Variants in SCRIB observed in about 807,000 individuals in gnomAD.
The protein encoded by SCRIB is scribble planar cell polarity protein.
A neutral mutation model predicts 170.0 loss-of-function variants in SCRIB; 72 were observed. That is an observed-to-expected ratio of 0.42 (90% CI 0.35 to 0.52). The LOEUF (loss-of-function observed/expected upper bound fraction) is 0.52. SCRIB is among the 20% of genes least tolerant of loss of function. SCRIB has a pLI of 0.02. For missense variants in SCRIB, 2,475 were observed against 2,338.5 expected (o/e 1.06, Z -1.20); for synonymous variants, 1,298 against 1,044.3 (o/e 1.24, Z -4.68).
In SCRIB at chr8:143,805,181, G is replaced by T. The variant is rs782458663; in HGVS notation, c.2601C>A (p.Arg867=). 2 of 1,573,200 alleles carry T rather than the reference G, an allele frequency of 1.3e-6. No individual in the cohort carries two copies. Among genetic ancestry groups the T allele is most frequent in the Non-Finnish European group, 1.7e-6 (2 of 1,159,752 alleles). ...TGCTGAAGCCCAGCCCCCTCTCGCT[G>T]CGTGCCAGGCAGGCCACGTGGCGCT... ...LRQRHVACLA[R]SERGLGFSIA... The change falls in exon 19 of 37, where the codon CGC becomes CGA. Residue 867 remains arginine, a synonymous_variant. Transcript: ENST00000356994.
At position 143,812,895 on chromosome 8, in the gene SCRIB, C is replaced by G; in HGVS notation, c.709G>C (p.Ala237Pro). ...VSENRLEELPAELGGLVLLTD... is the reference protein window; with the variant it reads ...VSENRLEELPPELGGLVLLTD... The stretch of plus-strand genomic sequence containing the variant: ...AGCAGCACCAGCCCGCCGAGCTCAG[C>G]AGGCAGCTCCTCCAGCCGGTTTTCC... Residue 237 changes from alanine (A) to proline (P), a missense_variant, in exon 8 of 37, where the codon GCT becomes CCT. Around this residue, in one of 3 missense-constraint regions of SCRIB, gnomAD observed 487 missense variants for 558.1 expected, o/e 0.87. Transcript: ENST00000356994. 5 of 1,611,304 alleles carry G rather than the reference C, an allele frequency of 3.1e-6. No individual in the cohort carries two copies. The highest frequency in any genetic ancestry group is 4.2e-6 in the Non-Finnish European group (5 of 1,179,900).
chr8:143,809,867 C>T, intron 13 of SCRIB, 149 bp from the exon 14 acceptor site: 1 of 877,260 alleles, frequency 1.1e-6, no homozygotes. Context: ...CAGCTGCTCC[C>T]TGTCCCAGCC....
chr8:143,810,646 G>T lies in SCRIB; in HGVS notation c.1404+40C>A, dbSNP rs765196450. ...GATGAGCAGCAGCCACAGGGCAGGG[G>T]TCAGGCAGAGGTTCGCCCCCCAGAT... On this transcript the variant is annotated intron_variant, in intron 12 of 36. Transcript: ENST00000356994. 1.9e-6 allele frequency: 3 copies of T among 1,604,842 alleles called. No individual in the cohort carries two copies. In the African/African-American group the frequency reaches 4.0e-5, roughly 21 times the overall value.
rs564848468 is a variant in SCRIB, at chr8:143,813,667, G to A, written c.416C>T (p.Ser139Phe). Residue 139 changes from serine (S) to phenylalanine (F), a missense_variant, in exon 4 of 37, where the codon TCT becomes TTT. Ser to Phe is a radical substitution (Grantham distance 155, BLOSUM62 -2). Transcript: ENST00000356994. ...SLAHLALNDVSLQALPGDVGN... is the reference protein window; with the variant it reads ...SLAHLALNDVFLQALPGDVGN... The stretch of plus-strand genomic sequence containing the variant: ...CACGTCCCCGGGCAGTGCCTGCAGA[G>A]ACACATCATTCAGGGCCAGGTGAGC... 8.7e-6 allele frequency: 14 copies of A among 1,613,588 alleles called. No individual in the cohort carries two copies. The highest frequency in any genetic ancestry group is 4.0e-5 in the African/African-American group (3 of 75,062).
chr8:143,795,396 C>T (rs1554633895), intron 25 of SCRIB, 24 bp downstream of exon 25: 4 of 1,612,484 alleles, frequency 2.5e-6, no homozygotes, highest in Non-Finnish European at 3.4e-6. Flanking sequence ...GGCCCTGGGG[C>T]TGCCGGCTGC....
intron 11 of SCRIB, 39 bp from the exon 12 acceptor site, chr8:143,810,855 A>C (rs202129995): frequency 1.6e-5 from 26 of 1,606,912 alleles, no homozygotes; most frequent in Admixed American, 1.5e-4. Flanking sequence ...CTAGTCCCCA[A>C]ACCCTGCCTG....
In SCRIB at chr8:143,813,093, C is replaced by G. The variant is rs928085521; in HGVS notation, c.579G>C (p.Leu193=). Residue 193 remains leucine, a synonymous_variant, in exon 7 of 37, where the codon CTG becomes CTC. Transcript: ENST00000356994. ...GCTCCCGAAGATTGGGCAGAGCCCC[C>G]AGAGTGTCTGGCTGCAAGAAGGAAC... ...GNDLEVLPDT[L]GALPNLRELW... is the part of the protein sequence containing the mutation. 3 of 1,578,886 alleles carry G rather than the reference C, an allele frequency of 1.9e-6. No individual in the cohort carries two copies. The highest frequency in any genetic ancestry group is 1.3e-5 in the African/African-American group (1 of 74,426).
In SCRIB at chr8:143,814,973, G is replaced by A. The variant is rs986983520; in HGVS notation, c.159+241C>T. On this transcript the variant is annotated intron_variant, in intron 1 of 36. Transcript: ENST00000356994. ...GAATCCCCACGGGTTTCACTCTGAG[G>A]CTCCGCCTCCAGGCTCGGTGACAAT... 17 of 503,284 alleles carry A rather than the reference G, an allele frequency of 3.4e-5. No homozygotes were observed. The Admixed American group carries it at 4.3e-4, about 13-fold the overall frequency. 31.2% of individuals were successfully genotyped at this position (503,284 alleles called of 1,614,324 possible).
Position 143,792,821 on chromosome 8 carries a change from C to A in SCRIB, c.4064G>T (p.Arg1355Leu), listed in dbSNP as rs1488591859. 2.6e-6 allele frequency: 4 copies of A among 1,549,802 alleles called. No individual in the cohort carries two copies. The highest frequency in any genetic ancestry group is 3.5e-6 in the Non-Finnish European group (4 of 1,149,784). The part of the protein sequence containing the change: ...PAASPEQLSF[R>L]ERQKYFELEV... ...CAGCTCAAAGTACTTCTGCCGCTCC[C>A]GGAAGGACAGCTGCTCCGGGGAGGC... Residue 1355 changes from arginine (R) to leucine (L), a missense_variant, in exon 30 of 37, where the codon CGG (arginine) becomes CTG (leucine). This residue lies in a region of SCRIB where 1,966 missense variants were observed against 1,742.9 expected (regional missense o/e 1.13). Transcript: ENST00000356994.
At chr8:143,793,541 T>C (rs782072832) in intron 28 of SCRIB, 3 of 310,012 alleles carry the variant, frequency 9.7e-6, no homozygotes, top group African/African-American at 2.1e-5. Context: ...CACGTGGCAG[T>C]GTGTTGGGAG....
chr8:143,803,636 G>T lies in SCRIB; in HGVS notation c.3414+11C>A. 2.0e-6 allele frequency: 3 copies of T among 1,533,258 alleles called. No homozygotes were observed. The highest frequency in any genetic ancestry group is 2.6e-6 in the Non-Finnish European group (3 of 1,139,650). 95.0% of individuals were successfully genotyped at this position (1,533,258 alleles called of 1,614,324 possible). A position where few individuals can be genotyped will look rare whatever the true frequency, so the allele number is the denominator to read the frequency against. On this transcript the variant is annotated intron_variant, in intron 23 of 36. Transcript: ENST00000356994. ...TGGGGCCCAGGGCGGGCTGGGGTGG[G>T]GGGGGCTCACCTTGGAGATGAAGAT...
rs545761118 is a variant in SCRIB at position 143,804,990 on chromosome 8, C to T, written c.2695G>A (p.Glu899Lys). The stretch of plus-strand genomic sequence containing the variant: ...CCCGCGCGGTGAGCAGCACCGCCCT[C>T]GGCAATGCGGGAGACGAAGATGCCC... ...DAGIFVSRIA[E>K]GGAAHRAGTL... Residue 899 changes from glutamate to lysine, a missense_variant, in exon 20 of 37, where the codon GAG becomes AAG. Glu to Lys is a moderately conservative substitution (Grantham distance 56, BLOSUM62 1). Transcript: ENST00000356994. 30 of 1,585,456 alleles carry T rather than the reference C, an allele frequency of 1.9e-5. No homozygotes were observed. Among genetic ancestry groups the T allele is most frequent in the African/African-American group, 9.4e-5 (7 of 74,714 alleles).
rs782305196 is a variant in SCRIB, at chr8:143,795,041, C to A, written c.3843G>T (p.Gln1281His). Reference sequence around the variant, plus strand: ...GCACTGCACACTGGGCACTCACCCTCTGCACGCTGCCAGCGCTGGGCACGG... The same window carrying A: ...GCACTGCACACTGGGCACTCACCCTATGCACGCTGCCAGCGCTGGGCACGG... The part of the protein sequence containing the change: ...LAAVPSAGSV[Q>H]RVPSGAAGGK... The change falls in exon 27 of 37, where the codon CAG (glutamine) becomes CAT (histidine). Residue 1281 changes from glutamine to histidine, a missense_variant. Transcript: ENST00000356994. 4.3e-6 allele frequency: 7 copies of A among 1,610,392 alleles called. No homozygotes were observed. The South Asian group carries it at 6.6e-5, about 15-fold the overall frequency.
At chr8:143,805,485 C>T (rs557739418) in intron 18 of SCRIB, 50 bp from the exon 19 acceptor site, 10 of 1,428,470 alleles carry the variant, frequency 7.0e-6, no homozygotes, top group African/African-American at 2.9e-5. Flanking sequence ...CCGCCACAGA[C>T]AGCCACGTGC....
chr8:143,801,849 CAG>C (rs1424233048), intron 24 of SCRIB, among the ~76,000 whole-genome samples: 3 of 152,168 alleles, frequency 2.0e-5, no homozygotes, highest in African/African-American at 7.2e-5. Flanking sequence ...CGTGGCTGGC[CAG>C]AGTGTGAGGT....
Position 143,815,404 on chromosome 8 carries a change from GGC to G in SCRIB, c.-34_-33del. On this transcript the variant is annotated 5_prime_UTR_variant, in exon 1 of 37. Transcript: ENST00000356994. ...GGTGGGCGGCGCGGGCTCCGGCGGC[GGC>G]GCTCGGCGGGCTCGGGGCCGGGGGG... 1.6e-6 allele frequency: 2 copies of G among 1,265,926 alleles called. No individual in the cohort carries two copies. Among genetic ancestry groups the G allele is most frequent in the South Asian group, 5.8e-5 (2 of 34,628 alleles). The allele number at this position is 1,265,926 out of a possible 1,614,324, so 78.4% of individuals were successfully genotyped here. A position where few individuals can be genotyped will look rare whatever the true frequency, so the allele number is the denominator to read the frequency against.
In SCRIB at chr8:143,791,921, G is replaced by A. The variant is rs782261149; in HGVS notation, c.4658-8C>T. ...TGGTCTGGGGGCCGAGGTCTGGGGG[G>A]ACAAGAAGCGGGCATTGGAAGCAGC... is the stretch of plus-strand genomic sequence containing the variant. On this transcript the variant is annotated splice_polypyrimidine_tract_variant and splice_region_variant and intron_variant, in intron 33 of 36. Coordinates refer to ENST00000356994, the MANE Select transcript of SCRIB (RefSeq NM_182706.5). 37 of 1,456,694 alleles carry A rather than the reference G, an allele frequency of 2.5e-5. No homozygotes were observed. The Admixed American group carries it at 7.7e-4, about 30-fold the overall frequency. 90.2% of individuals were successfully genotyped at this position (1,456,694 alleles called of 1,614,324 possible). A position where few individuals can be genotyped will look rare whatever the true frequency, so the allele number is the denominator to read the frequency against.
Position 143,815,645 on chromosome 8 carries a change from G to A in SCRIB, c.-273C>T. 1 of 982,870 alleles carries A rather than the reference G, an allele frequency of 1.0e-6. No homozygotes were observed. Among genetic ancestry groups the A allele is most frequent in the Non-Finnish European group, 1.2e-6 (1 of 828,814 alleles). 60.9% of individuals were successfully genotyped at this position (982,870 alleles called of 1,614,324 possible). On this transcript the variant is annotated 5_prime_UTR_variant, in exon 1 of 37. Coordinates refer to ENST00000356994, the MANE Select transcript of SCRIB (RefSeq NM_182706.5). ...GGCGGCGGCGGCGGCTCCGCATCCC[G>A]CTTGGTCCTGCTCAGCTCGTCCCGC...
In SCRIB at chr8:143,809,038, A is replaced by G. The variant is rs1259973984; in HGVS notation, c.1699-13T>C. The G allele has an allele frequency of 1.2e-6, 2 of 1,602,360 alleles. No individual in the cohort carries two copies. The highest frequency in any genetic ancestry group is 1.7e-6 in the Non-Finnish European group (2 of 1,174,348). ...AATGCACCGTGGGCTGTGCGGACAAAAGGGTGAGGGTGGCCCCAGCTCTGT... is the reference window on the plus strand; with the variant it reads ...AATGCACCGTGGGCTGTGCGGACAAGAGGGTGAGGGTGGCCCCAGCTCTGT... On this transcript the variant is annotated splice_polypyrimidine_tract_variant and intron_variant, in intron 14 of 36. Transcript: ENST00000356994.
Sources: allele counts gnomAD v4.1 joint callset (sites outside exome capture counted in the v4.1 genomes callset), GRCh38; gene constraint gnomAD v4.1.1; regional missense constraint gnomAD v4.1.1; transcripts MANE v1.5; gene names NCBI Gene and HGNC (gene_info 2026-07-23, HGNC 2026-07-21).